Variants in SAMMSON observed in about 807,000 individuals in gnomAD.
SAMMSON encodes long intergenic non-protein coding RNA 1212.
At chr3:70,434,070 G>T (rs1242146287) in intron 2 of SAMMSON, among the ~76,000 whole-genome samples, 3 of 152,118 alleles carry the variant, frequency 2.0e-5, no homozygotes, top group Non-Finnish European at 2.9e-5. Flanking sequence ...CTTGAAGCTG[G>T]GTTATAACCG....
At chr3:70,083,638 A>C (rs916403918) in intron 4 of SAMMSON, among the ~76,000 whole-genome samples, 13 of 152,156 alleles carry the variant, frequency 8.5e-5, no homozygotes, top group Non-Finnish European at 1.6e-4. Context: ...GTAGGGATTC[A>C]TGCTCTTTTG....
chr3:70,327,955 G>A (rs920337556), intron 7 of SAMMSON, among the ~76,000 whole-genome samples: 2 of 152,124 alleles, frequency 1.3e-5, no homozygotes, highest in African/African-American at 4.8e-5. Context: ...ACTGAGACTG[G>A]GCAATTTACA....
At chr3:70,197,074 C>T (rs7431876) in intron 4 of SAMMSON, 278,804 of 398,252 alleles carry the variant, frequency 0.7, 101,436 homozygotes, top group Non-Finnish European at 0.77. Context: ...GTGATACCGG[C>T]GAGAGGGGCA....
chr3:70,179,897 G>A (rs1161983188), intron 4 of SAMMSON, among the ~76,000 whole-genome samples: 2 of 151,948 alleles, frequency 1.3e-5, no homozygotes, highest in Admixed American at 1.3e-4. Flanking sequence ...GGATGTATGG[G>A]GAAAGATGCC....
chr3:70,158,133 T>C (rs114929383), intron 4 of SAMMSON, among the ~76,000 whole-genome samples: 2,004 of 152,218 alleles, frequency 0.013, 33 homozygotes, highest in African/African-American at 0.045. Flanking sequence ...TGTGCAACCA[T>C]CACTACAAAC....
intron 4 of SAMMSON, among the ~76,000 whole-genome samples, chr3:70,235,973 C>T (rs965598534): frequency 6.6e-6 from 1 of 152,152 alleles, no homozygotes; most frequent in Non-Finnish European, 1.5e-5. Flanking sequence ...TCTTCAAAAC[C>T]TGCACAGGAT....
chr3:70,018,832 G>A (rs1406690699), intron 3 of SAMMSON, among the ~76,000 whole-genome samples: 396 of 151,220 alleles, frequency 2.6e-3, no homozygotes, highest in African/African-American at 8.5e-3. Context: ...CCTTCATTTC[G>A]TTATGGACTC....
intron 7 of SAMMSON, among the ~76,000 whole-genome samples, chr3:70,306,793 G>T (rs1157394029): frequency 3.3e-5 from 5 of 152,070 alleles, no homozygotes; most frequent in African/African-American, 1.2e-4. Context: ...ATTATAGGTA[G>T]CTAGTTTTCT....
intron 4 of SAMMSON, among the ~76,000 whole-genome samples, chr3:70,088,380 T>C (rs1183977160): frequency 3.3e-5 from 5 of 152,166 alleles, no homozygotes; most frequent in Non-Finnish European, 7.3e-5. Flanking sequence ...AGGGATAGTT[T>C]CAAGGGAAAA....
intron 4 of SAMMSON, among the ~76,000 whole-genome samples, chr3:70,171,251 G>A (rs1172227881): frequency 6.6e-6 from 1 of 151,656 alleles, no homozygotes; most frequent in Non-Finnish European, 1.5e-5. Flanking sequence ...TTTTAAAAGT[G>A]GAATTTGTCT....
intron 7 of SAMMSON, among the ~76,000 whole-genome samples, chr3:70,341,513 A>G (rs1702710204): frequency 6.6e-6 from 1 of 152,128 alleles, no homozygotes; most frequent in African/African-American, 2.4e-5. Flanking sequence ...CTTCCCCTTG[A>G]CCACTGATGG....
At chr3:70,132,185 C>G (rs2067485483) in intron 4 of SAMMSON, among the ~76,000 whole-genome samples, 1 of 152,164 alleles carries the variant, frequency 6.6e-6, no homozygotes, top group South Asian at 2.1e-4. Flanking sequence ...TATCAACCAA[C>G]TGCCTGATGC....
intron 3 of SAMMSON, among the ~76,000 whole-genome samples, chr3:70,067,301 A>G (rs1330292242): frequency 6.6e-6 from 1 of 152,130 alleles, no homozygotes; most frequent in Non-Finnish European, 1.5e-5. Context: ...TTACTATGGG[A>G]CATTTAAGTA....
chr3:70,335,822 C>T (rs1241992230), intron 7 of SAMMSON, among the ~76,000 whole-genome samples: 1 of 151,944 alleles, frequency 6.6e-6, no homozygotes. Context: ...TCTTCAAACT[C>T]TTCAAAGGAT....
At chr3:70,420,152 T>C (rs1005409367) in intron 2 of SAMMSON, among the ~76,000 whole-genome samples, 1 of 152,200 alleles carries the variant, frequency 6.6e-6, no homozygotes, top group Admixed American at 6.5e-5. Flanking sequence ...TTACTTATAA[T>C]AAACTGGTAA....
chr3:70,084,562 T>G (rs2106643042), intron 4 of SAMMSON, among the ~76,000 whole-genome samples: 1 of 152,296 alleles, frequency 6.6e-6, no homozygotes, highest in Non-Finnish European at 1.5e-5. Context: ...ACAGGCCCCT[T>G]GCCTTCGTGC....
At chr3:70,352,463 G>T (rs1320821257) in intron 7 of SAMMSON, among the ~76,000 whole-genome samples, 1 of 152,020 alleles carries the variant, frequency 6.6e-6, no homozygotes, top group Non-Finnish European at 1.5e-5. Flanking sequence ...TCAGATGAAG[G>T]AAAATAAGAG....
chr3:70,074,226 C>A (rs982842999), intron 4 of SAMMSON, among the ~76,000 whole-genome samples: 5 of 151,866 alleles, frequency 3.3e-5, no homozygotes, highest in African/African-American at 1.2e-4. Flanking sequence ...ATATAAAAAC[C>A]ATTTTCAATA....
chr3:70,258,749 TAACA>T (rs1701840366), intron 6 of SAMMSON, among the ~76,000 whole-genome samples: 1 of 152,064 alleles, frequency 6.6e-6, no homozygotes, highest in Admixed American at 6.6e-5. Context: ...ATTATAAAAA[TAACA>T]AACAATAGGG....
Sources: allele counts gnomAD v4.1 joint callset (sites outside exome capture counted in the v4.1 genomes callset), GRCh38; gene constraint gnomAD v4.1.1; transcripts MANE v1.5; gene names NCBI Gene and HGNC (gene_info 2026-07-23, HGNC 2026-07-21).